Variants in PTPRD observed in about 807,000 individuals in gnomAD.
PTPRD encodes receptor-type tyrosine-protein phosphatase delta.
In PTPRD, 34 loss-of-function variants were observed where a neutral mutation model predicts 214.5. The ratio of observed to expected loss-of-function variants is 0.16; its 90% CI spans 0.12 to 0.21. The LOEUF (loss-of-function observed/expected upper bound fraction) is 0.21. Ranked by LOEUF, PTPRD falls within the 10% of genes least tolerant of loss-of-function variation. PTPRD has a pLI of 1.00. For missense variants in PTPRD, 2,545 were observed against 2,398.7 expected (o/e 1.06, Z -1.27); for synonymous variants, 1,128 against 845.7 (o/e 1.33, Z -5.79).
At chr9:8,418,558 T>C (rs1019856289) in intron 35 of PTPRD, among the ~76,000 whole-genome samples, 1 of 150,808 alleles carries the variant, frequency 6.6e-6, no homozygotes, top group African/African-American at 2.4e-5. Flanking sequence ...GTAAAATGTA[T>C]GTAAAATACA....
intron 3 of PTPRD, among the ~76,000 whole-genome samples, chr9:10,297,172 C>A (rs898032867): frequency 1.3e-5 from 2 of 149,074 alleles, no homozygotes; most frequent in African/African-American, 4.9e-5. Context: ...ACATGTGCAC[C>A]ATGTGCAGGT....
At chr9:10,516,085 A>G (rs1415766672) in intron 2 of PTPRD, among the ~76,000 whole-genome samples, 35 of 152,016 alleles carry the variant, frequency 2.3e-4, no homozygotes, top group South Asian at 2.3e-3. Flanking sequence ...ATTTTGAACA[A>G]ATATCCAAAA....
chr9:10,141,971 A>AT (rs1468192055), intron 3 of PTPRD, among the ~76,000 whole-genome samples: 1 of 152,200 alleles, frequency 6.6e-6, no homozygotes, highest in African/African-American at 2.4e-5. Context: ...ATAAGGCCGC[A>AT]TATCTACAAC....
intron 44 of PTPRD, among the ~76,000 whole-genome samples, chr9:8,331,104 TTTCAAGCAAA>T (rs1385719119): frequency 6.6e-6 from 1 of 151,908 alleles, no homozygotes; most frequent in Non-Finnish European, 1.5e-5. Context: ...TAGCAACAAT[TTTCAAGCAAA>T]TTGCATTTTT....
At chr9:8,492,427 T>A (rs2097169137) in intron 27 of PTPRD, among the ~76,000 whole-genome samples, 1 of 152,182 alleles carries the variant, frequency 6.6e-6, no homozygotes, top group African/African-American at 2.4e-5. Context: ...GCCTGATCCT[T>A]AATTGCCTAT....
intron 9 of PTPRD, among the ~76,000 whole-genome samples, chr9:9,275,199 T>TATATAATATATATGTTA (rs1491465404): frequency 9.6e-5 from 1 of 10,394 alleles, no homozygotes; most frequent in Non-Finnish European, 2.3e-4. Flanking sequence ...TATATATATA[T>TATATAATATATATGTTA]TATATATATA....
At chr9:8,511,418 G>C (rs1045529606) in intron 21 of PTPRD, among the ~76,000 whole-genome samples, 2 of 151,098 alleles carry the variant, frequency 1.3e-5, no homozygotes, top group African/African-American at 4.9e-5. Context: ...ACACATCACG[G>C]TTTCTCACTG....
At position 9,687,189 on chromosome 9, in the gene PTPRD, G is replaced by C. The variant is rs144903308; in HGVS notation, c.-287+47344C>G. On this transcript the variant is annotated intron_variant, in intron 7 of 45. Transcript: ENST00000381196. ...TCATTAACCATAAAGGCACACTCGT[G>C]AGTTCCTAGGAAACAGGGAGAAGCT... is the stretch of plus-strand genomic sequence containing the variant. 1.3e-3 allele frequency among the ~76,000 whole-genome samples: 193 copies of C among 151,928 alleles called. 1 individual carries two copies. The highest frequency in any genetic ancestry group is 4.2e-3 in the African/African-American group (173 of 41,516).
At chr9:10,108,255 T>C (rs74637386) in intron 3 of PTPRD, among the ~76,000 whole-genome samples, 2,099 of 152,238 alleles carry the variant, frequency 0.014, 45 homozygotes, top group African/African-American at 0.048. Context: ...ACATACATTG[T>C]AGACTGGCTA....
intron 3 of PTPRD, among the ~76,000 whole-genome samples, chr9:10,174,870 T>C (rs574403485): frequency 9.0e-4 from 137 of 152,146 alleles, no homozygotes; most frequent in Non-Finnish European, 1.2e-3. Flanking sequence ...GTTTCAGGAA[T>C]TGGACATTGT....
intron 5 of PTPRD, among the ~76,000 whole-genome samples, chr9:9,881,296 A>G (rs1453376819): frequency 6.6e-6 from 1 of 152,160 alleles, no homozygotes; most frequent in Admixed American, 6.6e-5. Flanking sequence ...CAGCTATTTA[A>G]TATCAGACTC....
chr9:10,531,874 T>C (rs1442774595), intron 2 of PTPRD, among the ~76,000 whole-genome samples: 1 of 152,164 alleles, frequency 6.6e-6, no homozygotes, highest in Non-Finnish European at 1.5e-5. Context: ...CTAACTATAG[T>C]TATTGTAAAG....
chr9:9,070,471 C>T (rs557065650), intron 10 of PTPRD, among the ~76,000 whole-genome samples: 1 of 152,134 alleles, frequency 6.6e-6, no homozygotes, highest in East Asian at 1.9e-4. Context: ...CAACTTTATC[C>T]AAATTTTGAA....
At chr9:9,540,791 G>T (rs2077429215) in intron 8 of PTPRD, among the ~76,000 whole-genome samples, 1 of 151,638 alleles carries the variant, frequency 6.6e-6, no homozygotes, top group African/African-American at 2.4e-5. Context: ...TACTTAAAGG[G>T]AAAAGTTATG....
At chr9:10,296,199 G>A (rs189049407) in intron 3 of PTPRD, among the ~76,000 whole-genome samples, 64 of 152,060 alleles carry the variant, frequency 4.2e-4, no homozygotes, top group African/African-American at 1.2e-3. Flanking sequence ...TAAAAATAAC[G>A]TCTGGATTCT....
chr9:9,406,531 A>G (rs1319561437), intron 8 of PTPRD, among the ~76,000 whole-genome samples: 1 of 151,904 alleles, frequency 6.6e-6, no homozygotes, highest in South Asian at 2.1e-4. Context: ...ATATTTACTC[A>G]TTTATCCACT....
intron 11 of PTPRD, among the ~76,000 whole-genome samples, chr9:8,817,125 T>G (rs1232602613): frequency 6.6e-6 from 1 of 152,246 alleles, no homozygotes; most frequent in African/African-American, 2.4e-5. Flanking sequence ...TTGAAGGCCA[T>G]TTTATGTTAC....
intron 34 of PTPRD, among the ~76,000 whole-genome samples, chr9:8,439,113 T>C (rs2132693570): frequency 6.6e-6 from 1 of 152,310 alleles, no homozygotes; most frequent in Non-Finnish European, 1.5e-5. Flanking sequence ...ACTCCATTTC[T>C]AAGACAAGTA....
chr9:10,155,797 C>A (rs1053144716), intron 3 of PTPRD, among the ~76,000 whole-genome samples: 6 of 152,038 alleles, frequency 3.9e-5, no homozygotes, highest in Non-Finnish European at 7.4e-5. Context: ...ATAAAGCCTA[C>A]TTGGTTGTGG....
Sources: gnomAD v4.1 joint callset for allele counts (sites outside exome capture counted in the v4.1 genomes callset) on GRCh38, gnomAD v4.1.1 for gene constraint, MANE v1.5 for transcripts, NCBI Gene and HGNC (gene_info 2026-07-23, HGNC 2026-07-21) for gene names.